Variants in TMPRSS15 observed in about 807,000 individuals in gnomAD.
TMPRSS15 encodes enteropeptidase.
TMPRSS15 carries 128 observed loss-of-function variants against 125.3 expected under a neutral mutation model. The observed-to-expected ratio is 1.02, with a 90% CI of 0.89 to 1.18. TMPRSS15 has a LOEUF of 1.18. Ranked by LOEUF, TMPRSS15 falls within the 50% of genes most tolerant of loss-of-function variation. The pLI is 0.00. For missense variants in TMPRSS15, 1,283 were observed against 1,212.7 expected, an observed-to-expected ratio of 1.06 and a Z score of -0.86; for synonymous variants, 446 against 423.2, an observed-to-expected ratio of 1.05 and a Z score of -0.66.
intron 10 of TMPRSS15, among the ~76,000 whole-genome samples, chr21:18,351,088 A>G (rs998203483): frequency 6.6e-6 from 1 of 152,118 alleles, no homozygotes; most frequent in Admixed American, 6.6e-5. Context: ...CTTGAAAAAA[A>G]TTAACTCTTT....
chr21:18,329,951 T>C (rs1569012319), intron 14 of TMPRSS15, among the ~76,000 whole-genome samples: 1 of 152,272 alleles, frequency 6.6e-6, no homozygotes, highest in East Asian at 1.9e-4. Flanking sequence ...TTTTCTGCTC[T>C]TTTCTCAGAT....
chr21:18,347,879 C>T (rs1403224864), intron 10 of TMPRSS15, among the ~76,000 whole-genome samples: 1 of 151,948 alleles, frequency 6.6e-6, no homozygotes, highest in Non-Finnish European at 1.5e-5. Flanking sequence ...ATCTGTAATC[C>T]CAGCAATTTG....
At chr21:18,381,843 G>A (rs1201997011) in intron 4 of TMPRSS15, among the ~76,000 whole-genome samples, 4 of 152,016 alleles carry the variant, frequency 2.6e-5, no homozygotes, top group African/African-American at 9.7e-5. Context: ...GGCGGTGGGA[G>A]GAGGCAGAGA....
chr21:18,297,963 A>G, intron 18 of TMPRSS15, 134 bp from the exon 19 acceptor site: 1 of 641,078 alleles, frequency 1.6e-6, no homozygotes, highest in East Asian at 2.8e-5. Flanking sequence ...TGAACGTTTT[A>G]ATATAAAACT....
intron 5 of TMPRSS15, among the ~76,000 whole-genome samples, chr21:18,378,525 G>T (rs146961613): frequency 3.3e-4 from 50 of 152,148 alleles, no homozygotes; most frequent in African/African-American, 1.1e-3. Context: ...TCCTTGCCAA[G>T]AATGGCTTTT....
chr21:18,379,380 T>C, intron 4 of TMPRSS15, 62 bp from the exon 5 acceptor site: 1 of 743,226 alleles, frequency 1.3e-6, no homozygotes, highest in East Asian at 3.2e-5. Flanking sequence ...CAGGAATTTA[T>C]TGTATATTCA....
intron 3 of TMPRSS15, among the ~76,000 whole-genome samples, chr21:18,393,577 A>G (rs1345946341): frequency 2.0e-5 from 3 of 152,214 alleles, no homozygotes; most frequent in Non-Finnish European, 4.4e-5. Context: ...ACACAAGAAA[A>G]GAAAAAAATT....
At position 18,470,520 on chromosome 21, in the gene TMPRSS15, G is replaced by T. The variant is rs567391798; in HGVS notation, c.10+15279C>A. Among the ~76,000 whole-genome samples, 140 of 152,130 alleles carry T rather than the reference G, an allele frequency of 9.2e-4. 1 individual carries two copies. The highest frequency in any genetic ancestry group is 3.3e-3 in the African/African-American group (136 of 41,548). On this transcript the variant is annotated intron_variant, in intron 1 of 7. Transcript: ENST00000422787. Reference sequence around the variant, plus strand: ...GTTATTTCTCCCTCTGATACTCTGGGTGATGGTTAAGTGTGTATAAAAGAA... The same window carrying T: ...GTTATTTCTCCCTCTGATACTCTGGTTGATGGTTAAGTGTGTATAAAAGAA...
At chr21:18,327,694 G>A (rs959489621) in intron 15 of TMPRSS15, among the ~76,000 whole-genome samples, 6 of 151,492 alleles carry the variant, frequency 4.0e-5, no homozygotes, top group African/African-American at 1.5e-4. Flanking sequence ...AATACATGAT[G>A]AATACAAGTC....
intron 1 of TMPRSS15, among the ~76,000 whole-genome samples, chr21:18,457,165 T>C (rs1227657461): frequency 6.6e-6 from 1 of 152,122 alleles, no homozygotes; most frequent in Non-Finnish European, 1.5e-5. Flanking sequence ...ATTGAAATAA[T>C]TATATGTAAC....
chr21:18,460,379 AC>A (rs1569073378), intron 1 of TMPRSS15, among the ~76,000 whole-genome samples: 1 of 151,974 alleles, frequency 6.6e-6, no homozygotes, highest in African/African-American at 2.4e-5. Context: ...GGAACACAAG[AC>A]TTTTCTTTCT....
chr21:18,465,392 T>G (rs1045072861), intron 1 of TMPRSS15, among the ~76,000 whole-genome samples: 2 of 152,012 alleles, frequency 1.3e-5, no homozygotes, highest in Non-Finnish European at 2.9e-5. Context: ...TTCAACACAG[T>G]GTTAGAAGTT....
chr21:18,439,200 T>C lies in TMPRSS15; in HGVS notation c.11-40871A>G, dbSNP rs140032925. ...ATGGAAAATGATCTTTTTGTTATAA[T>C]GCTTTGCATTGAAGTAGTTCATTAT... On this transcript the variant is annotated intron_variant, in intron 1 of 7. Transcript: ENST00000422787. 5.5e-4 allele frequency among the ~76,000 whole-genome samples: 84 copies of C among 152,328 alleles called. No homozygotes were observed. In the East Asian group the frequency reaches 7.1e-3, roughly 13 times the overall value.
At chr21:18,389,094 G>C (rs1178372879) in intron 3 of TMPRSS15, among the ~76,000 whole-genome samples, 2 of 132,810 alleles carry the variant, frequency 1.5e-5, no homozygotes, top group Non-Finnish European at 3.3e-5. Context: ...GAGAAAGAAA[G>C]AAAGAAGAAA....
At chr21:18,386,014 A>T (rs1328729120) in intron 3 of TMPRSS15, among the ~76,000 whole-genome samples, 5 of 152,124 alleles carry the variant, frequency 3.3e-5, no homozygotes, top group Non-Finnish European at 7.4e-5. Context: ...AAGTGCTGGG[A>T]TTACAGGCAT....
intron 16 of TMPRSS15, among the ~76,000 whole-genome samples, chr21:18,320,153 T>G (rs1332077169): frequency 6.6e-6 from 1 of 152,206 alleles, no homozygotes; most frequent in Admixed American, 6.5e-5. Context: ...ACTATATATT[T>G]TATCTTTCTG....
chr21:18,336,221 G>T (rs1447350665), intron 13 of TMPRSS15, among the ~76,000 whole-genome samples: 1 of 152,080 alleles, frequency 6.6e-6, no homozygotes, highest in African/African-American at 2.4e-5. Context: ...TTTAATTAAA[G>T]ATATTTATGG....
intron 1 of TMPRSS15, among the ~76,000 whole-genome samples, chr21:18,476,001 T>C (rs1316685270): frequency 6.6e-6 from 1 of 152,220 alleles, no homozygotes; most frequent in African/African-American, 2.4e-5. Context: ...GGCTGGGTGA[T>C]GCAGAATATG....
intron 7 of TMPRSS15, among the ~76,000 whole-genome samples, chr21:18,362,194 T>A: frequency 6.6e-6 from 1 of 152,254 alleles, no homozygotes; most frequent in East Asian, 1.9e-4. Flanking sequence ...ATTCTGCCTC[T>A]GTTATGTCAG....
Sources: allele counts gnomAD v4.1 joint callset (sites outside exome capture counted in the v4.1 genomes callset), GRCh38; gene constraint gnomAD v4.1.1; transcripts MANE v1.5; gene names NCBI Gene and HGNC (gene_info 2026-07-23, HGNC 2026-07-21).